The following BAZ1A variants were observed in gnomAD, a reference collection of about 807,000 sequenced individuals.
The protein encoded by BAZ1A is bromodomain adjacent to zinc finger domain 1A, also known as bromodomain adjacent to zinc finger domain protein 1A.
BAZ1A carries 50 observed loss-of-function variants against 185.2 expected under a neutral mutation model. The ratio of observed to expected loss-of-function variants is 0.27; its 90% CI spans 0.22 to 0.34. BAZ1A has a LOEUF of 0.34. BAZ1A is among the 10% of genes least tolerant of loss of function. BAZ1A has a pLI of 1.00. For synonymous variants in BAZ1A, 571 were observed against 615.6 expected (o/e 0.93, Z 1.07); for missense variants, 1,356 against 1,839.9 (o/e 0.74, Z 4.81).
intron 3 of BAZ1A, among the ~76,000 whole-genome samples, chr14:34,851,515 T>C (rs2042596367): frequency 6.6e-6 from 1 of 152,144 alleles, no homozygotes; most frequent in Non-Finnish European, 1.5e-5. Context: ...TCCTTTGTTG[T>C]ATGATTTCCA....
intron 17 of BAZ1A, among the ~76,000 whole-genome samples, chr14:34,778,021 G>A (rs1173096423): frequency 3.9e-5 from 6 of 152,056 alleles, no homozygotes; most frequent in East Asian, 1.9e-4. Flanking sequence ...AAATGGGGCC[G>A]GCCAGATTTG....
intron 21 of BAZ1A, chr14:34,768,903 C>A (rs955205736): frequency 3.2e-5 from 7 of 217,436 alleles, no homozygotes; most frequent in African/African-American, 7.1e-5. Context: ...TGTATCTTAC[C>A]TAAAACAAAA....
chr14:34,797,976 C>T (rs567288822), intron 9 of BAZ1A, among the ~76,000 whole-genome samples: 15 of 152,374 alleles, frequency 9.8e-5, no homozygotes, highest in African/African-American at 2.9e-4. Flanking sequence ...CCAAATACTG[C>T]GCTTTTCCAA....
At chr14:34,795,027 A>G (rs777739701) in intron 10 of BAZ1A, 140 bp from the exon 11 acceptor site, 46 of 1,164,782 alleles carry the variant, frequency 3.9e-5, no homozygotes, top group Non-Finnish European at 4.9e-5. Flanking sequence ...GTTTATCACA[A>G]TCACCTTTGA....
At chr14:34,830,406 G>C (rs1164365902) in intron 3 of BAZ1A, among the ~76,000 whole-genome samples, 2 of 151,738 alleles carry the variant, frequency 1.3e-5, no homozygotes, top group Non-Finnish European at 2.9e-5. Context: ...CCTATCATAG[G>C]ATTCCATTTA....
chr14:34,766,448 G>A lies in BAZ1A; in HGVS notation c.3302-1180C>T, dbSNP rs112672830. Among the ~76,000 whole-genome samples, 484 of 152,204 alleles carry A rather than the reference G, an allele frequency of 3.2e-3. 3 individuals are homozygous for A. Among genetic ancestry groups the A allele is most frequent in the African/African-American group, 0.011 (464 of 41,528 alleles). On this transcript the variant is annotated intron_variant, in intron 21 of 26. Transcript: ENST00000360310. ...GACCTTGAGCTCCTGTTTGCCTGTC[G>A]GGTAGGGTGAGATTGACAGGACATG...
intron 18 of BAZ1A, among the ~76,000 whole-genome samples, chr14:34,774,819 C>G (rs2138583400): frequency 6.6e-6 from 1 of 152,150 alleles, no homozygotes; most frequent in South Asian, 2.1e-4. Context: ...ATATAAAGAA[C>G]TCTTACAGCA....
intron 24 of BAZ1A, among the ~76,000 whole-genome samples, chr14:34,761,408 G>C (rs983822104): frequency 2.6e-5 from 4 of 152,162 alleles, no homozygotes; most frequent in Admixed American, 1.3e-4. Flanking sequence ...AGCTTGTCTA[G>C]GTGATGCTGA....
At chr14:34,866,825 A>G (rs2042868802) in intron 2 of BAZ1A, among the ~76,000 whole-genome samples, 1 of 152,140 alleles carries the variant, frequency 6.6e-6, no homozygotes, top group Non-Finnish European at 1.5e-5. Context: ...GGTTAGTCAC[A>G]TGTATAATTT....
chr14:34,848,924 T>C (rs1044246538), intron 3 of BAZ1A, among the ~76,000 whole-genome samples: 4 of 152,200 alleles, frequency 2.6e-5, no homozygotes, highest in Non-Finnish European at 5.9e-5. Flanking sequence ...CAAAAGAAGC[T>C]TTATCCGTCC....
chr14:34,854,422 G>A (rs944154755), intron 3 of BAZ1A, among the ~76,000 whole-genome samples: 4 of 151,426 alleles, frequency 2.6e-5, no homozygotes, highest in African/African-American at 7.3e-5. Flanking sequence ...ACTCCATCTC[G>A]AAATAAAATA....
At chr14:34,771,801 G>A (rs1879238750) in intron 20 of BAZ1A, 142 bp from the exon 21 acceptor site, 1 of 676,522 alleles carries the variant, frequency 1.5e-6, no homozygotes, top group Non-Finnish European at 2.4e-6. Flanking sequence ...TAAACTAGTA[G>A]GGAAGGGAGA....
chr14:34,844,388 A>T (rs1163958328), intron 3 of BAZ1A, among the ~76,000 whole-genome samples: 1 of 152,170 alleles, frequency 6.6e-6, no homozygotes, highest in South Asian at 2.1e-4. Context: ...ACACAAATGG[A>T]AACATATTCT....
chr14:34,858,380 G>C (rs942386571), intron 3 of BAZ1A, among the ~76,000 whole-genome samples: 2 of 152,028 alleles, frequency 1.3e-5, no homozygotes, highest in African/African-American at 4.8e-5. Flanking sequence ...TCAGCCTCCT[G>C]AGTAACTGGA....
intron 3 of BAZ1A, among the ~76,000 whole-genome samples, chr14:34,831,194 A>G (rs951122413): frequency 3.9e-5 from 6 of 152,178 alleles, no homozygotes; most frequent in Admixed American, 6.5e-5. Flanking sequence ...CTATTCTCCT[A>G]GGAACTTTAT....
In BAZ1A at chr14:34,764,789, C is replaced by G; in HGVS notation, c.3694G>C (p.Asp1232His). 3 of 1,610,904 alleles carry G rather than the reference C, an allele frequency of 1.9e-6. No individual in the cohort carries two copies. Among genetic ancestry groups the G allele is most frequent in the Non-Finnish European group, 2.5e-6 (3 of 1,177,118 alleles). ...MGGEDDEVDG[D>H]EEEGQSEEEE... ...TCCTCACTTTGACCTTCTTCTTCAT[C>G]GCCATCAACTTCATCATCCTCACCT... Residue 1232 changes from aspartate to histidine, a missense_variant, in exon 23 of 27, where the codon GAT (aspartate) becomes CAT (histidine). Coordinates refer to ENST00000360310, the MANE Select transcript of BAZ1A (RefSeq NM_013448.3).
At chr14:34,799,403 G>A (rs1881381697) in intron 9 of BAZ1A, among the ~76,000 whole-genome samples, 1 of 151,986 alleles carries the variant, frequency 6.6e-6, no homozygotes, top group Non-Finnish European at 1.5e-5. Context: ...AAATTCAAGG[G>A]AGACGATAGA....
At chr14:34,813,915 C>T (rs191203967) in intron 4 of BAZ1A, among the ~76,000 whole-genome samples, 5 of 151,358 alleles carry the variant, frequency 3.3e-5, no homozygotes, top group East Asian at 2.0e-4. Flanking sequence ...TGGTGGCCTG[C>T]GCCTGTAGCC....
At chr14:34,768,535 T>G (rs1199123008) in intron 21 of BAZ1A, among the ~76,000 whole-genome samples, 1 of 152,130 alleles carries the variant, frequency 6.6e-6, no homozygotes, top group African/African-American at 2.4e-5. Flanking sequence ...GATACTATTT[T>G]AAGCTTACCC....
Sources: allele counts gnomAD v4.1 joint callset (sites outside exome capture counted in the v4.1 genomes callset), GRCh38; gene constraint gnomAD v4.1.1; transcripts MANE v1.5; gene names NCBI Gene and HGNC (gene_info 2026-07-23, HGNC 2026-07-21).